CLIP4: variants seen among roughly 807,000 people sequenced by gnomAD.
The protein encoded by CLIP4 is CAP-Gly domain containing linker protein family member 4.
In CLIP4, 47 loss-of-function variants were observed where a neutral mutation model predicts 73.1. That is an observed-to-expected ratio of 0.64 (90% CI 0.51 to 0.82). The LOEUF (loss-of-function observed/expected upper bound fraction) is 0.82. Ranked by LOEUF, CLIP4 falls within the 40% of genes least tolerant of loss-of-function variation. CLIP4 has a pLI of 0.00. For synonymous variants in CLIP4, 306 were observed against 295.4 expected, an observed-to-expected ratio of 1.04 and a Z score of -0.37; for missense variants, 874 against 852.9, an observed-to-expected ratio of 1.02 and a Z score of -0.31.
intron 1 of CLIP4, among the ~76,000 whole-genome samples, chr2:29,109,330 G>C (rs1668320780): frequency 6.6e-6 from 1 of 152,002 alleles, no homozygotes; most frequent in African/African-American, 2.4e-5. Context: ...CATTCCTTTT[G>C]TTCCGTCTTC....
intron 5 of CLIP4, among the ~76,000 whole-genome samples, chr2:29,135,243 T>C (rs1422786806): frequency 6.6e-6 from 1 of 152,234 alleles, no homozygotes; most frequent in Admixed American, 6.5e-5. Flanking sequence ...TGGGAGATTG[T>C]GATAAGCTGT....
chr2:29,160,070 T>A (rs1215771560), intron 11 of CLIP4, among the ~76,000 whole-genome samples: 1 of 152,190 alleles, frequency 6.6e-6, no homozygotes, highest in East Asian at 1.9e-4. Context: ...TTACCAGGGA[T>A]CAGGTTTTGT....
chr2:29,139,305 ATTGAC>A (rs1315714907), intron 6 of CLIP4, among the ~76,000 whole-genome samples: 2 of 151,904 alleles, frequency 1.3e-5, no homozygotes, highest in Non-Finnish European at 2.9e-5. Flanking sequence ...AATCACGTTT[ATTGAC>A]TTGCATACGT....
At position 29,181,653 on chromosome 2, in the gene CLIP4, G is replaced by A. The variant is rs777541382; in HGVS notation, c.1878G>A (p.Gly626=). The A allele has an allele frequency of 1.2e-6, 2 of 1,614,176 alleles. No homozygotes were observed. The highest frequency in any genetic ancestry group is 2.2e-5 in the East Asian group (1 of 44,878). Residue 626 remains glycine (G), a synonymous_variant, in exon 16 of 16, where the codon GGG becomes GGA. Coordinates refer to ENST00000320081, the MANE Select transcript of CLIP4 (RefSeq NM_024692.6). ...GIEGSVKLHE[G]SQVLLTSSNE... Reference sequence around the variant, plus strand: ...AAGGGAGCGTGAAGCTGCACGAGGGGTCTCAGGTCCTGCTCACGAGCTCCA... The same window carrying A: ...AAGGGAGCGTGAAGCTGCACGAGGGATCTCAGGTCCTGCTCACGAGCTCCA...
At chr2:29,151,884 A>T (rs1031642553) in intron 8 of CLIP4, among the ~76,000 whole-genome samples, 5 of 152,042 alleles carry the variant, frequency 3.3e-5, no homozygotes, top group African/African-American at 9.7e-5. Flanking sequence ...ATTTTATTGT[A>T]TGGATAAACT....
intron 8 of CLIP4, among the ~76,000 whole-genome samples, chr2:29,148,113 C>G (rs1666291978): frequency 6.6e-6 from 1 of 152,126 alleles, no homozygotes; most frequent in African/African-American, 2.4e-5. Flanking sequence ...TGTATGTACT[C>G]AAAGGCAAGT....
At chr2:29,147,530 C>A (rs1666253878) in intron 8 of CLIP4, among the ~76,000 whole-genome samples, 1 of 151,802 alleles carries the variant, frequency 6.6e-6, no homozygotes, top group Non-Finnish European at 1.5e-5. Flanking sequence ...TTTTATATTT[C>A]TTTAAATGTT....
At chr2:29,180,122 G>T (rs534080153) in intron 15 of CLIP4, among the ~76,000 whole-genome samples, 59 of 152,316 alleles carry the variant, frequency 3.9e-4, no homozygotes, top group African/African-American at 1.3e-3. Context: ...AACAAGTTCT[G>T]TGTTGAATAT....
At chr2:29,157,507 G>T in intron 11 of CLIP4, 160 bp downstream of exon 11, 1 of 1,101,124 alleles carries the variant, frequency 9.1e-7, no homozygotes. Flanking sequence ...AAGCCTTAAG[G>T]TCTCTTTGTT....
chr2:29,121,016 G>A (rs1664212903), intron 1 of CLIP4, among the ~76,000 whole-genome samples: 1 of 152,136 alleles, frequency 6.6e-6, no homozygotes, highest in Non-Finnish European at 1.5e-5. Context: ...CCAGTGTTAT[G>A]GGAAGTTAAA....
rs924922065 is a variant in CLIP4, at chr2:29,107,729, G to T, written c.-16+9782G>T. The stretch of plus-strand genomic sequence containing the variant: ...CTCACTATGCTGCCCAGGCTGGAGT[G>T]CAGTGGCTATTCACAGGCACAGTCA... On this transcript the variant is annotated intron_variant, in intron 1 of 14. Transcript: ENST00000401605. Among the ~76,000 whole-genome samples, 63 of 151,896 alleles carry T rather than the reference G, an allele frequency of 4.1e-4. 1 individual carries two copies.
chr2:29,166,688 T>A (rs1049972378), intron 13 of CLIP4, among the ~76,000 whole-genome samples: 2 of 152,192 alleles, frequency 1.3e-5, no homozygotes, highest in African/African-American at 2.4e-5. Flanking sequence ...ACTACTTCAT[T>A]CAAATATCCA....
Position 29,183,663 on chromosome 2 carries a change from T to A in CLIP4, c.*1770T>A, listed in dbSNP as rs922584441. 3 of 152,666 alleles carry A rather than the reference T, an allele frequency of 2.0e-5. No individual in the cohort carries two copies. Among genetic ancestry groups the A allele is most frequent in the Non-Finnish European group, 2.9e-5 (2 of 68,032 alleles). The allele number at this position is 152,666 out of a possible 1,614,324, so 9.5% of individuals were successfully genotyped here. ...ACCAGTTGTTCTCTTTATATTTAGA[T>A]GAGGATGATTGAGTCCATATACTAT... On this transcript the variant is annotated 3_prime_UTR_variant, in exon 16 of 16. Transcript: ENST00000320081.
chr2:29,099,328 T>C (rs949213378), intron 1 of CLIP4, among the ~76,000 whole-genome samples: 17 of 152,386 alleles, frequency 1.1e-4, no homozygotes, highest in African/African-American at 3.4e-4. Context: ...AGATGTTTTA[T>C]AGTTTTGAAT....
At chr2:29,126,958 G>T (rs951667556) in intron 2 of CLIP4, among the ~76,000 whole-genome samples, 1 of 152,142 alleles carries the variant, frequency 6.6e-6, no homozygotes, top group African/African-American at 2.4e-5. Flanking sequence ...CAATAAACAG[G>T]ACTAGAATCT....
intron 1 of CLIP4, among the ~76,000 whole-genome samples, chr2:29,118,030 T>G (rs1379572219): frequency 6.6e-6 from 1 of 152,166 alleles, no homozygotes; most frequent in Non-Finnish European, 1.5e-5. Flanking sequence ...AGGTAGCAAA[T>G]AAAAGGATCA....
At chr2:29,177,206 C>A (rs984376512) in intron 15 of CLIP4, among the ~76,000 whole-genome samples, 1 of 151,892 alleles carries the variant, frequency 6.6e-6, no homozygotes, top group African/African-American at 2.4e-5. Flanking sequence ...GTCAGGAGAT[C>A]GAGATCATCT....
intron 6 of CLIP4, 135 bp from the exon 7 acceptor site, chr2:29,143,574 T>C (rs1665933326): frequency 1.5e-6 from 1 of 661,948 alleles, no homozygotes; most frequent in Non-Finnish European, 2.7e-6. Context: ...CTGCATATTG[T>C]AGGCGTTCAG....
upstream of CLIP4, among the ~76,000 whole-genome samples, chr2:29,110,742 G>C (rs1225248561): frequency 6.6e-6 from 1 of 152,124 alleles, no homozygotes; most frequent in Non-Finnish European, 1.5e-5. Context: ...AGGCTGGAGT[G>C]CAGTGGCATG....
Sources: allele counts gnomAD v4.1 joint callset (sites outside exome capture counted in the v4.1 genomes callset), GRCh38; gene constraint gnomAD v4.1.1; transcripts MANE v1.5; gene names NCBI Gene and HGNC (gene_info 2026-07-23, HGNC 2026-07-21).